SLC68A1: variants seen among roughly 807,000 people sequenced by gnomAD.
SLC68A1 encodes the protein major facilitator superfamily domain containing 13A.
chr10:102,471,375 C>T, the SLC68A1 span: 8 of 1,613,046 alleles, frequency 5.0e-6, no homozygotes, highest in East Asian at 2.2e-5. Context: ...TCCTGTGGTT[C>T]GTGAGCATGG....
chr10:102,471,492 G>C, the SLC68A1 span: 20 of 1,519,410 alleles, frequency 1.3e-5, no homozygotes, highest in Non-Finnish European at 1.7e-5. Context: ...ACGCATGGTG[G>C]CTCATGCCTG....
the SLC68A1 span, chr10:102,469,904 T>C: frequency 6.6e-7 from 1 of 1,513,876 alleles, no homozygotes; most frequent in South Asian, 1.3e-5. Context: ...TGGGGCCATC[T>C]TTCAGGGGTG....
the SLC68A1 span, among the ~76,000 whole-genome samples, chr10:102,463,401 G>T: frequency 6.6e-6 from 1 of 152,150 alleles, no homozygotes; most frequent in Non-Finnish European, 1.5e-5. Context: ...TCGATCTCCT[G>T]ACCTCGTGAT....
At chr10:102,475,996 A>G in the SLC68A1 span, 1 of 1,552,660 alleles carries the variant, frequency 6.4e-7, no homozygotes. Context: ...AGCTGTGGCA[A>G]GGTCACCCCA....
the SLC68A1 span, chr10:102,473,037 A>G: frequency 8.9e-7 from 1 of 1,121,626 alleles, no homozygotes; most frequent in Admixed American, 1.7e-5. Flanking sequence ...CGTATTAGCC[A>G]GGATGGTCTC....
the SLC68A1 span, chr10:102,477,039 TC>T: frequency 1.8e-5 from 18 of 985,410 alleles, no homozygotes; most frequent in Non-Finnish European, 2.2e-5. Context: ...CCATTCTTTT[TC>T]CTCAAGTCTG....
the SLC68A1 span, chr10:102,472,924 C>T: frequency 6.2e-7 from 1 of 1,614,178 alleles, no homozygotes; most frequent in Non-Finnish European, 8.5e-7. Flanking sequence ...GACCATATCT[C>T]CCTTTCCACG....
chr10:102,473,515 TCACTGG>T, the SLC68A1 span: 1 of 1,524,734 alleles, frequency 6.6e-7, no homozygotes, highest in Non-Finnish European at 8.9e-7. Context: ...CTGATGGCGC[TCACTGG>T]CACTGCAGCA....
chr10:102,469,926 G>A, the SLC68A1 span: 1 of 1,568,388 alleles, frequency 6.4e-7, no homozygotes, highest in Non-Finnish European at 8.7e-7. Context: ...TGAGCAGGCT[G>A]AGGGGGGAGG....
At chr10:102,469,544 G>GT in the SLC68A1 span, among the ~76,000 whole-genome samples, 70,709 of 149,614 alleles carry the variant, frequency 0.47, 17,359 homozygotes, top group Middle Eastern at 0.61. Context: ...GGCAGAGTAG[G>GT]TTTTTTTGTT....
the SLC68A1 span, among the ~76,000 whole-genome samples, chr10:102,475,005 C>G: frequency 7.2e-6 from 1 of 139,836 alleles, no homozygotes; most frequent in East Asian, 2.1e-4. Flanking sequence ...ACAAAATTCA[C>G]TCTGGGCTGG....
At chr10:102,474,029 A>C in the SLC68A1 span, 38 of 1,578,204 alleles carry the variant, frequency 2.4e-5, 1 homozygote, top group South Asian at 3.9e-4. Flanking sequence ...GCCTGGTAGC[A>C]GGCAAGGGCT....
the SLC68A1 span, among the ~76,000 whole-genome samples, chr10:102,463,396 C>T: frequency 3.3e-5 from 5 of 152,276 alleles, no homozygotes; most frequent in African/African-American, 9.6e-5. Flanking sequence ...TGATCTCGAT[C>T]TCCTGACCTC....
the SLC68A1 span, chr10:102,475,906 T>A: frequency 6.2e-7 from 1 of 1,613,870 alleles, no homozygotes; most frequent in Middle Eastern, 1.7e-4. Context: ...TCACGCTGCA[T>A]GGGAGACGCC....
At chr10:102,476,150 A>G in the SLC68A1 span, 1 of 1,232,806 alleles carries the variant, frequency 8.1e-7, no homozygotes, top group Non-Finnish European at 1.1e-6. Context: ...GGCTCACTGA[A>G]ACCACCACCC....
the SLC68A1 span, chr10:102,470,585 C>G: frequency 6.5e-7 from 1 of 1,548,056 alleles, no homozygotes; most frequent in South Asian, 1.3e-5. Context: ...CTCCATCCCT[C>G]CCCTGGGGCC....
the SLC68A1 span, chr10:102,474,020 C>A: frequency 6.3e-7 from 1 of 1,586,308 alleles, no homozygotes; most frequent in Non-Finnish European, 8.6e-7. Flanking sequence ...CAGGTGAGGG[C>A]CTGGTAGCAG....
At chr10:102,470,086 TG>T in the SLC68A1 span, 3 of 1,612,938 alleles carry the variant, frequency 1.9e-6, no homozygotes, top group Non-Finnish European at 2.5e-6. Flanking sequence ...GTTGGTGTAT[TG>T]GGAACAGCTC....
chr10:102,472,240 A>G, the SLC68A1 span: 2 of 290,236 alleles, frequency 6.9e-6, no homozygotes, highest in Non-Finnish European at 1.4e-5. Flanking sequence ...AACTGTTTTC[A>G]TGTTATGAAA....
Sources: allele counts gnomAD v4.1 joint callset (sites outside exome capture counted in the v4.1 genomes callset), GRCh38; gene constraint gnomAD v4.1.1; transcripts MANE v1.5; gene names NCBI Gene and HGNC (gene_info 2026-07-23, HGNC 2026-07-21).